ACTR3B: variants seen among roughly 807,000 people sequenced by gnomAD.
ACTR3B encodes the protein actin related protein 3B, also known as actin-related protein 3B.
A neutral mutation model predicts 59.0 loss-of-function variants in ACTR3B; 8 were observed. The ratio of observed to expected loss-of-function variants is 0.14; its 90% CI spans 0.08 to 0.24. The LOEUF is 0.24. Among genes scored for constraint, ACTR3B ranks in the 10% least tolerant of loss-of-function variants. The pLI is 1.00. For synonymous variants in ACTR3B, 148 were observed against 197.9 expected (o/e 0.75, Z 2.12); for missense variants, 245 against 552.3 (o/e 0.44, Z 5.58).
chr7:152,852,427 C>G (rs764191568), intron 10 of ACTR3B, among the ~76,000 whole-genome samples, 176 bp downstream of exon 10: 3 of 152,196 alleles, frequency 2.0e-5, no homozygotes, highest in Non-Finnish European at 4.4e-5. Context: ...TGAGGTCCTT[C>G]CAGGCTGGTA....
chr7:152,847,566 T>A (rs1259108083), intron 9 of ACTR3B, among the ~76,000 whole-genome samples: 8 of 152,134 alleles, frequency 5.3e-5, no homozygotes, highest in African/African-American at 1.9e-4. Context: ...TGTGGAAAAT[T>A]TGAAACAGGC....
intron 2 of ACTR3B, among the ~76,000 whole-genome samples, chr7:152,797,464 T>C (rs1414144890): frequency 6.6e-6 from 1 of 152,220 alleles, no homozygotes; most frequent in Non-Finnish European, 1.5e-5. Flanking sequence ...GAAGTATATA[T>C]ACATTGTGAA....
intron 1 of ACTR3B, among the ~76,000 whole-genome samples, chr7:152,778,943 C>CAAAAAAAAAAAAA (rs59789390): frequency 5.4e-5 from 2 of 36,826 alleles, no homozygotes; most frequent in Non-Finnish European, 8.8e-5. Context: ...ACTGTGTCTC[C>CAAAAAAAAAAAAA]AAAAAAAAAA....
At chr7:152,769,245 C>G (rs1358441865) in intron 1 of ACTR3B, among the ~76,000 whole-genome samples, 1 of 152,118 alleles carries the variant, frequency 6.6e-6, no homozygotes, top group African/African-American at 2.4e-5. Context: ...AAGGTCTCCT[C>G]GCATTTTCTG....
At chr7:152,803,856 T>G (rs1237569345) in intron 4 of ACTR3B, among the ~76,000 whole-genome samples, 1 of 152,222 alleles carries the variant, frequency 6.6e-6, no homozygotes, top group Non-Finnish European at 1.5e-5. Flanking sequence ...ATTCTGCAAG[T>G]CATTCTGTTG....
intron 2 of ACTR3B, among the ~76,000 whole-genome samples, chr7:152,795,439 T>G (rs1406837910): frequency 1.3e-5 from 2 of 152,264 alleles, no homozygotes; most frequent in Non-Finnish European, 2.9e-5. Context: ...TGTATATGTT[T>G]ATTAATTTGT....
At chr7:152,789,064 A>AGC (rs2098185433) in intron 2 of ACTR3B, among the ~76,000 whole-genome samples, 12 of 137,868 alleles carry the variant, frequency 8.7e-5, no homozygotes, top group Admixed American at 2.8e-4. Flanking sequence ...CAGCAACAAC[A>AGC]AACAACAACA....
rs1249569357 is a variant in ACTR3B, at chr7:152,770,881, A to C, written c.44+10955A>C. On this transcript the variant is annotated intron_variant, in intron 1 of 11. Coordinates refer to ENST00000256001, the MANE Select transcript of ACTR3B (RefSeq NM_020445.6). ...ACCCATCATGGGACTATGCACAGAA[A>C]ATAAGGAAGGAAACATAACAAGCAA... is the stretch of plus-strand genomic sequence containing the variant. Among the ~76,000 whole-genome samples the C allele has an allele frequency of 2.1e-5, 3 of 143,222 alleles. 1 individual carries two copies. Among genetic ancestry groups the C allele is most frequent in the African/African-American group, 7.9e-5 (3 of 37,780 alleles). The allele number at this position is 143,222 out of a possible 152,430, so 94.0% of individuals were successfully genotyped here. A position where few individuals can be genotyped will look rare whatever the true frequency, so the allele number is the denominator to read the frequency against.
intron 2 of ACTR3B, among the ~76,000 whole-genome samples, chr7:152,786,145 G>C (rs2098173094): frequency 2.1e-5 from 1 of 47,406 alleles, no homozygotes; most frequent in South Asian, 7.1e-4. Flanking sequence ...GAGGCTAGAG[G>C]AGGAGCAGCG....
intron 9 of ACTR3B, among the ~76,000 whole-genome samples, chr7:152,849,074 A>G (rs1798591210): frequency 6.6e-6 from 1 of 152,194 alleles, no homozygotes; most frequent in Admixed American, 6.5e-5. Context: ...CCTCTCGAGA[A>G]ATGGACGTGA....
Position 152,783,001 on chromosome 7 carries a change from CTGCT to C in ACTR3B, c.45-184_45-181del, listed in dbSNP as rs572730662. Among the ~76,000 whole-genome samples the C allele has an allele frequency of 2.8e-5, 4 of 143,974 alleles. No homozygotes were observed. The South Asian group carries it at 9.2e-4, about 33-fold the overall frequency. The allele number at this position is 143,974 out of a possible 152,430, so 94.5% of individuals were successfully genotyped here. On this transcript the variant is annotated intron_variant, in intron 1 of 11. Coordinates refer to ENST00000256001, the MANE Select transcript of ACTR3B (RefSeq NM_020445.6). Reference sequence around the variant, plus strand: ...CATAATATTTTAAGTTTTTGCAAAACTGCTTTCTTTGAAATTAGTGTTTGATTCT... The same window carrying C: ...CATAATATTTTAAGTTTTTGCAAAACTTCTTTGAAATTAGTGTTTGATTCT...
intron 1 of ACTR3B, among the ~76,000 whole-genome samples, chr7:152,769,584 T>G (rs2098119300): frequency 6.6e-6 from 1 of 152,192 alleles, no homozygotes; most frequent in African/African-American, 2.4e-5. Context: ...GATAGGTGAT[T>G]TAAGCATATT....
intron 6 of ACTR3B, among the ~76,000 whole-genome samples, chr7:152,818,786 G>A (rs1003542211): frequency 3.3e-5 from 5 of 152,204 alleles, no homozygotes; most frequent in Non-Finnish European, 7.3e-5. Flanking sequence ...TCACGCATGC[G>A]TGCACACACA....
chr7:152,787,938 T>C, intron 2 of ACTR3B, among the ~76,000 whole-genome samples: 1 of 152,092 alleles, frequency 6.6e-6, no homozygotes, highest in South Asian at 2.1e-4. Flanking sequence ...ATTTTTATTT[T>C]TTTGAGATGG....
Position 152,777,564 on chromosome 7 carries a change from A to G in ACTR3B, c.45-5623A>G, listed in dbSNP as rs182958947. Among the ~76,000 whole-genome samples, 631 of 151,016 alleles carry G rather than the reference A, an allele frequency of 4.2e-3. 1 individual carries two copies. Among genetic ancestry groups the G allele is most frequent in the African/African-American group, 0.014 (578 of 40,372 alleles). On this transcript the variant is annotated intron_variant, in intron 1 of 11. Transcript: ENST00000256001. ...ACAGGGTAGTTGTTGATTTCTGTCTATTCATTTAGTAACTGGTCATCTTTT... is the reference window on the plus strand; with the variant it reads ...ACAGGGTAGTTGTTGATTTCTGTCTGTTCATTTAGTAACTGGTCATCTTTT...
intron 7 of ACTR3B, among the ~76,000 whole-genome samples, chr7:152,821,642 T>A (rs1796169372): frequency 6.6e-6 from 1 of 152,152 alleles, no homozygotes; most frequent in Non-Finnish European, 1.5e-5. Flanking sequence ...GGGGTTCCAA[T>A]TTGGACCCTG....
chr7:152,818,993 C>G (rs1341192475), intron 6 of ACTR3B, among the ~76,000 whole-genome samples: 1 of 152,064 alleles, frequency 6.6e-6, no homozygotes, highest in Non-Finnish European at 1.5e-5. Context: ...AATATTTTTA[C>G]CACTGTCATG....
At chr7:152,769,828 C>T (rs371349149) in intron 1 of ACTR3B, among the ~76,000 whole-genome samples, 28 of 150,212 alleles carry the variant, frequency 1.9e-4, no homozygotes, top group African/African-American at 6.9e-4. Flanking sequence ...GCTTGCATCT[C>T]TTCTTCCTCT....
At chr7:152,853,647 C>A in intron 11 of ACTR3B, 70 bp downstream of exon 11, 3 of 1,355,832 alleles carry the variant, frequency 2.2e-6, no homozygotes, top group East Asian at 2.4e-5. Context: ...TAAATACTGT[C>A]TACGAAGGTG....
Sources: gnomAD v4.1 joint callset for allele counts (sites outside exome capture counted in the v4.1 genomes callset) on GRCh38, gnomAD v4.1.1 for gene constraint, MANE v1.5 for transcripts, NCBI Gene and HGNC (gene_info 2026-07-23, HGNC 2026-07-21) for gene names.